SLC37A2: variants seen among roughly 807,000 people sequenced by gnomAD.
SLC37A2 encodes glucose-6-phosphate exchanger SLC37A2.
Under a neutral mutation model 70.7 loss-of-function variants are expected in SLC37A2, and 59 were observed. That is an observed-to-expected ratio of 0.83 (90% CI 0.68 to 1.04). SLC37A2 has a LOEUF of 1.04. SLC37A2 is among the 50% of genes least tolerant of loss of function. The probability of loss-of-function intolerance (pLI) is 0.00; values close to 1 mark genes in which losing one functional copy is unlikely to be tolerated. For synonymous variants in SLC37A2, 257 were observed against 262.1 expected (o/e 0.98, Z 0.19); for missense variants, 580 against 658.1 (o/e 0.88, Z 1.30).
At chr11:125,077,699 G>C (rs1949104808) in intron 4 of SLC37A2, among the ~76,000 whole-genome samples, 171 bp downstream of exon 4, 1 of 152,220 alleles carries the variant, frequency 6.6e-6, no homozygotes, top group African/African-American at 2.4e-5. Context: ...CCTTCGCCTG[G>C]TAGACTCCCA....
At chr11:125,084,021 A>T (rs11219893) in intron 11 of SLC37A2, 144 bp downstream of exon 11, 7 of 918,608 alleles carry the variant, frequency 7.6e-6, no homozygotes, top group Admixed American at 2.1e-5. Context: ...CTCAGCTCTG[A>T]TCCTGCCTGG....
chr11:125,077,586 C>T, intron 4 of SLC37A2, 58 bp downstream of exon 4: 1 of 1,385,408 alleles, frequency 7.2e-7, no homozygotes, highest in Non-Finnish European at 1.0e-6. Context: ...CTGCTACCTC[C>T]CCTTAAGGAA....
chr11:125,063,893 A>T lies in SLC37A2; in HGVS notation c.59+467A>T, dbSNP rs1948955662. Among the ~76,000 whole-genome samples the T allele has an allele frequency of 1.3e-5, 2 of 152,134 alleles. No homozygotes were observed. Among genetic ancestry groups the T allele is most frequent in the South Asian group, 2.1e-4 (1 of 4,828 alleles). On this transcript the variant is annotated intron_variant, in intron 1 of 17. Coordinates refer to ENST00000403796, the MANE Select transcript of SLC37A2 (RefSeq NM_001145290.2). This position sits in a 1 kb window ranked among gnomAD's most constrained non-coding sequence, Gnocchi z 5.4. The stretch of plus-strand genomic sequence containing the variant: ...TTAGCCCTCGAACACCAAGGCCAGA[A>T]CTCAGTGGTCCTGGGAGCTCGTCTC...
At position 125,088,327 on chromosome 11, in the gene SLC37A2, G is replaced by C. The variant is rs1949245820; in HGVS notation, c.*193G>C. 3 of 628,432 alleles carry C rather than the reference G, an allele frequency of 4.8e-6. No individual in the cohort carries two copies. In the South Asian group the frequency reaches 6.2e-5, roughly 13 times the overall value. 38.9% of individuals were successfully genotyped at this position (628,432 alleles called of 1,614,324 possible). A position where few individuals can be genotyped will look rare whatever the true frequency, so the allele number is the denominator to read the frequency against. On this transcript the variant is annotated 3_prime_UTR_variant, in exon 18 of 18. Transcript: ENST00000403796. ...ATGGGAAGGGGACTGCCAAGCATGAGGAAATAGAAGATTCAGGGGCCTGAG... is the reference window on the plus strand; with the variant it reads ...ATGGGAAGGGGACTGCCAAGCATGACGAAATAGAAGATTCAGGGGCCTGAG...
chr11:125,082,323 T>G lies in SLC37A2; in HGVS notation c.965T>G (p.Ile322Ser), dbSNP rs1693415036. The change falls in exon 10 of 18, where the codon ATC (isoleucine) becomes AGC (serine). Residue 322 changes from isoleucine to serine, a missense_variant. Transcript: ENST00000403796. The stretch of plus-strand genomic sequence containing the variant: ...TTCCTCTACTGGCTGCCCCTCTACA[T>G]CGCCAATGTGGGTAAGTCCAAGAGA... The part of the protein sequence containing the change: ...YTFLYWLPLY[I>S]ANVAHFSAKE... 7 of 1,613,778 alleles carry G rather than the reference T, an allele frequency of 4.3e-6. No homozygotes were observed. The highest frequency in any genetic ancestry group is 5.1e-6 in the Non-Finnish European group (6 of 1,179,874).
intron 14 of SLC37A2, 83 bp from the exon 15 acceptor site, chr11:125,085,312 T>G: frequency 7.0e-7 from 1 of 1,424,150 alleles, no homozygotes; most frequent in Non-Finnish European, 9.7e-7. Context: ...GTTACCACCT[T>G]CCCTGAGTCA....
At chr11:125,074,126 C>T (rs1156793139) in intron 1 of SLC37A2, among the ~76,000 whole-genome samples, 2 of 152,108 alleles carry the variant, frequency 1.3e-5, no homozygotes, top group African/African-American at 4.8e-5. Flanking sequence ...TCATTTCACA[C>T]CTCCGTGCCT....
At chr11:125,085,227 C>A in intron 14 of SLC37A2, 88 bp downstream of exon 14, 1 of 1,403,902 alleles carries the variant, frequency 7.1e-7, no homozygotes, top group Non-Finnish European at 1.0e-6. Flanking sequence ...CCCTGTCTCC[C>A]ATCCCGCAGA....
rs562762523 is a variant in SLC37A2 at position 125,071,720 on chromosome 11, G to A, written c.60-5037G>A. Among the ~76,000 whole-genome samples the A allele has an allele frequency of 5.3e-5, 8 of 152,324 alleles. No homozygotes were observed. In the South Asian group the frequency reaches 1.7e-3, roughly 32 times the overall value. ...GGCTGCTGCCCTGGGAGAGCTTTGC[G>A]CCTCCCAAAGAGGGTCTTGTCCTGT... On this transcript the variant is annotated intron_variant, in intron 1 of 17. Coordinates refer to ENST00000403796, the MANE Select transcript of SLC37A2 (RefSeq NM_001145290.2).
chr11:125,081,374 G>T, intron 7 of SLC37A2, 47 bp from the exon 8 acceptor site: 1 of 1,576,006 alleles, frequency 6.3e-7, no homozygotes, highest in Non-Finnish European at 8.6e-7. Flanking sequence ...TCGGGATTGG[G>T]GGGGCGGGGG....
rs1239053360 is a variant in SLC37A2, at chr11:125,080,315, G to A, written c.528-299G>A. Among the ~76,000 whole-genome samples the A allele has an allele frequency of 2.6e-5, 4 of 152,202 alleles. No individual in the cohort carries two copies. The highest frequency in any genetic ancestry group is 2.9e-5 in the Non-Finnish European group (2 of 68,028). On this transcript the variant is annotated intron_variant, in intron 6 of 17. Coordinates refer to ENST00000403796, the MANE Select transcript of SLC37A2 (RefSeq NM_001145290.2). The surrounding 1 kb of genome is among the most constrained non-coding windows in gnomAD (Gnocchi z 4.3). Reference sequence around the variant, plus strand: ...GAGGACAGTGCTTTAGAGTGAGATCGTGGGACAGAAGAGAAGAACGAGGGC... The same window carrying A: ...GAGGACAGTGCTTTAGAGTGAGATCATGGGACAGAAGAGAAGAACGAGGGC...
chr11:125,085,462 C>CG lies in SLC37A2; in HGVS notation c.1316_1317insG (p.Gly440ArgfsTer60). 6.2e-7 allele frequency: 1 copy of CG among 1,613,984 alleles called. No individual in the cohort carries two copies. The highest frequency in any genetic ancestry group is 8.5e-7 in the Non-Finnish European group (1 of 1,179,986). On this transcript the variant is annotated frameshift_variant, in exon 15 of 18. Transcript: ENST00000403796. LOFTEE classifies it high-confidence loss of function. ...ACGGTCACGGCCATCATTGACGGCA[C>CG]CGGCTCCATAGGTCTGTGACTCTAG...
Position 125,063,640 on chromosome 11 carries a change from C to T in SLC37A2, c.59+214C>T, listed in dbSNP as rs1423766875. ...ACTCCGCCCGCGCTCCCCCAGACCC[C>T]GCGACGCTGGCTCGGTGACACTGGG... On this transcript the variant is annotated intron_variant, in intron 1 of 17. Transcript: ENST00000403796. This position sits in a 1 kb window ranked among gnomAD's most constrained non-coding sequence, Gnocchi z 5.4. Among the ~76,000 whole-genome samples the T allele has an allele frequency of 6.6e-6, 1 of 152,198 alleles. No individual in the cohort carries two copies. The highest frequency in any genetic ancestry group is 1.5e-5 in the Non-Finnish European group (1 of 68,032).
chr11:125,084,594 T>G (rs980746166), intron 12 of SLC37A2, among the ~76,000 whole-genome samples: 7 of 152,154 alleles, frequency 4.6e-5, no homozygotes, highest in Non-Finnish European at 7.4e-5. Context: ...AAGAAGAGAT[T>G]GAGGTTGAAT....
chr11:125,076,962 C>A, intron 2 of SLC37A2, 124 bp downstream of exon 2: 2 of 914,846 alleles, frequency 2.2e-6, no homozygotes, highest in African/African-American at 1.6e-5. Context: ...GGCTGTCTTC[C>A]CCAGGAGCTC....
rs779563358 is a variant in SLC37A2, at chr11:125,085,453, T to C, written c.1307T>C (p.Ile436Thr). ...GCCCTGTCCACGGTCACGGCCATCA[T>C]TGACGGCACCGGCTCCATAGGTCTG... The part of the protein sequence containing the change: ...AKALSTVTAI[I>T]DGTGSIGAAL... Residue 436 changes from isoleucine (I) to threonine (T), a missense_variant, in exon 15 of 18, where the codon ATT becomes ACT. Transcript: ENST00000403796. 27 of 1,613,936 alleles carry C rather than the reference T, an allele frequency of 1.7e-5. No individual in the cohort carries two copies. Among genetic ancestry groups the C allele is most frequent in the Non-Finnish European group, 1.9e-5 (22 of 1,180,004 alleles).
Position 125,080,676 on chromosome 11 carries a change from T to A in SLC37A2, c.590T>A (p.Leu197Gln). The A allele has an allele frequency of 6.3e-7, 1 of 1,586,534 alleles. No homozygotes were observed. The highest frequency in any genetic ancestry group is 8.6e-7 in the Non-Finnish European group (1 of 1,165,750). The part of the protein sequence containing the change: ...HTSVGNILGS[L>Q]IAGIWVNGQW... Reference sequence around the variant, plus strand: ...TCTGTGGGCAACATCCTGGGCTCCCTGATCGCCGGCATCTGGGTGAACGGG... The same window carrying A: ...TCTGTGGGCAACATCCTGGGCTCCCAGATCGCCGGCATCTGGGTGAACGGG... Residue 197 changes from leucine (L) to glutamine (Q), a missense_variant, in exon 7 of 18, where the codon CTG becomes CAG. Physicochemically the swap from Leu to Gln is moderately radical, Grantham distance 113. Coordinates refer to ENST00000403796, the MANE Select transcript of SLC37A2 (RefSeq NM_001145290.2). This position sits in a 1 kb window ranked among gnomAD's most constrained non-coding sequence, Gnocchi z 4.3.
In SLC37A2 at chr11:125,084,242, G is replaced by A. The variant is rs943180766; in HGVS notation, c.1048G>A (p.Val350Met). 1.3e-5 allele frequency: 21 copies of A among 1,614,108 alleles called. No homozygotes were observed. The Middle Eastern group carries it at 4.9e-4, about 38-fold the overall frequency. ...FDVGGIIGGI[V>M]AGLVSDYTNG... is the part of the protein sequence containing the mutation. ...GTGGCTGTGTGTTCCAGGCGGCATC[G>A]TGGCAGGGCTCGTCTCTGACTACAC... The change falls in exon 12 of 18, where the codon GTG becomes ATG. Residue 350 changes from valine to methionine, a missense_variant. Val to Met is a conservative substitution (Grantham distance 21, BLOSUM62 1). Coordinates refer to ENST00000403796, the MANE Select transcript of SLC37A2 (RefSeq NM_001145290.2).
Position 125,088,257 on chromosome 11 carries a change from G to A in SLC37A2, c.*123G>A, listed in dbSNP as rs891113871. ...AACCCTCTTTATTGAACATTAGCCAGCCCAGCCCAGACCCCAGGGCTGCCT... is the reference window on the plus strand; with the variant it reads ...AACCCTCTTTATTGAACATTAGCCAACCCAGCCCAGACCCCAGGGCTGCCT... On this transcript the variant is annotated 3_prime_UTR_variant, in exon 18 of 18. Coordinates refer to ENST00000403796, the MANE Select transcript of SLC37A2 (RefSeq NM_001145290.2). 8.6e-7 allele frequency: 1 copy of A among 1,162,710 alleles called. No individual in the cohort carries two copies. Among genetic ancestry groups the A allele is most frequent in the South Asian group, 1.4e-5 (1 of 73,540 alleles). 72.0% of individuals were successfully genotyped at this position (1,162,710 alleles called of 1,614,324 possible).
Sources: gnomAD v4.1 joint callset for allele counts (sites outside exome capture counted in the v4.1 genomes callset) on GRCh38, gnomAD v4.1.1 for gene constraint, Gnocchi (gnomAD v3.1) non-coding constraint, MANE v1.5 for transcripts, NCBI Gene and HGNC (gene_info 2026-07-23, HGNC 2026-07-21) for gene names.